The following PPP2R2B variants were observed in gnomAD, a reference collection of about 807,000 sequenced individuals.
PPP2R2B encodes protein phosphatase 2 regulatory subunit Bbeta.
PPP2R2B carries 5 observed loss-of-function variants against 46.0 expected under a neutral mutation model. The ratio of observed to expected loss-of-function variants is 0.11; its 90% CI spans 0.06 to 0.23. The LOEUF (loss-of-function observed/expected upper bound fraction) is 0.23, where lower values mean the gene tolerates loss of function less well. PPP2R2B is among the 10% of genes least tolerant of loss of function. The probability of loss-of-function intolerance (pLI) is 1.00; values close to 1 mark genes in which losing one functional copy is unlikely to be tolerated. For synonymous variants in PPP2R2B, 215 were observed against 206.7 expected, an observed-to-expected ratio of 1.04 and a Z score of -0.34; for missense variants, 367 against 575.0, an observed-to-expected ratio of 0.64 and a Z score of 3.70.
intron 1 of PPP2R2B, among the ~76,000 whole-genome samples, chr5:147,015,363 T>C (rs1357748052): frequency 6.6e-6 from 1 of 151,676 alleles, no homozygotes; most frequent in Non-Finnish European, 1.5e-5. Flanking sequence ...CTACTGACAT[T>C]TGAATTTTCT....
At position 146,812,791 on chromosome 5, in the gene PPP2R2B, G is replaced by GTATATATATATATATATA. The variant is rs1239921320; in HGVS notation, c.70+65210_70+65211insTATATATATATATATATA. On this transcript the variant is annotated intron_variant, in intron 2 of 9. Transcript: ENST00000394411. ...TTAATGTGTGTGTGTGTGTATATGT[G>GTATATATATATATATATA]TGTATATATATATATATATATATAT... Among the ~76,000 whole-genome samples the GTATATATATATATATATA allele has an allele frequency of 1.0e-3, 10 of 9,946 alleles. 1 individual carries two copies. The highest frequency in any genetic ancestry group is 1.4e-3 in the Non-Finnish European group (8 of 5,532). 6.5% of individuals were successfully genotyped at this position (9,946 alleles called of 152,430 possible).
intron 2 of PPP2R2B, chr5:146,856,452 A>T (rs533829908): frequency 5.8e-5 from 81 of 1,407,538 alleles, no homozygotes; most frequent in Admixed American, 1.3e-4. Context: ...ACACTTCTAT[A>T]CTGCTACTTT....
chr5:146,690,526 A>G (rs1453113018), intron 5 of PPP2R2B, among the ~76,000 whole-genome samples: 1 of 152,210 alleles, frequency 6.6e-6, no homozygotes, highest in Non-Finnish European at 1.5e-5. Context: ...ACAGGAAGGA[A>G]GCCACTCAGA....
chr5:146,838,613 T>C (rs1582234057), intron 2 of PPP2R2B, among the ~76,000 whole-genome samples: 1 of 145,604 alleles, frequency 6.9e-6, no homozygotes, highest in Admixed American at 6.9e-5. Flanking sequence ...GAGAGAAGAA[T>C]GGGACAGAGT....
At chr5:146,634,754 C>G (rs1774690275) in intron 7 of PPP2R2B, among the ~76,000 whole-genome samples, 1 of 144,138 alleles carries the variant, frequency 6.9e-6, no homozygotes, top group Non-Finnish European at 1.5e-5. Context: ...TATGATAAAT[C>G]TCTTAACTTA....
chr5:146,841,397 A>G (rs1759631924), intron 2 of PPP2R2B, among the ~76,000 whole-genome samples: 1 of 152,192 alleles, frequency 6.6e-6, no homozygotes. Context: ...TACACACAAA[A>G]GAAAGCAAAG....
At chr5:146,880,420 C>T (rs528157628), upstream of PPP2R2B, among the ~76,000 whole-genome samples, 13 of 152,198 alleles carry the variant, frequency 8.5e-5, no homozygotes, top group African/African-American at 2.2e-4. Context: ...TATCTATCAC[C>T]GAGGTTCCAA....
chr5:146,636,054 G>A (rs1222575994), intron 7 of PPP2R2B, among the ~76,000 whole-genome samples: 1 of 152,034 alleles, frequency 6.6e-6, no homozygotes. Context: ...CTTGATCTAG[G>A]TTCCAAATTA....
chr5:146,912,593 A>C (rs1165432221), intron 1 of PPP2R2B, among the ~76,000 whole-genome samples: 2 of 150,340 alleles, frequency 1.3e-5, no homozygotes, highest in Non-Finnish European at 3.0e-5. Flanking sequence ...GGCTCACCAC[A>C]ACCTGGGTTC....
intron 1 of PPP2R2B, among the ~76,000 whole-genome samples, chr5:147,050,007 C>T (rs1038685917): frequency 2.0e-5 from 3 of 152,032 alleles, no homozygotes; most frequent in Non-Finnish European, 4.4e-5. Context: ...GACTGCAAAA[C>T]GTGATCCTGT....
chr5:146,701,426 T>C (rs1164332352), intron 2 of PPP2R2B, among the ~76,000 whole-genome samples: 2 of 152,342 alleles, frequency 1.3e-5, no homozygotes, highest in South Asian at 2.1e-4. Flanking sequence ...AACTTCATGA[T>C]GGCTGAAGGA....
In PPP2R2B at chr5:146,623,492, A is replaced by G. The variant is rs542549495; in HGVS notation, c.790+14759T>C. 4.6e-5 allele frequency among the ~76,000 whole-genome samples: 7 copies of G among 152,362 alleles called. No homozygotes were observed. The South Asian group carries it at 1.4e-3, about 32-fold the overall frequency. On this transcript the variant is annotated intron_variant, in intron 7 of 9. Coordinates refer to ENST00000394411, the MANE Select transcript of PPP2R2B (RefSeq NM_181675.4). ...TTAGCACAATACTTTGTTAACACTT[A>G]TTGACCAATTCATTGCTTTGTTTGA...
At chr5:146,774,012 C>T (rs904491092) in intron 2 of PPP2R2B, among the ~76,000 whole-genome samples, 3 of 152,122 alleles carry the variant, frequency 2.0e-5, no homozygotes, top group Non-Finnish European at 4.4e-5. Flanking sequence ...TCTTAGTATC[C>T]ATAAGCAAAA....
chr5:147,033,710 T>C (rs1241165521), intron 1 of PPP2R2B, among the ~76,000 whole-genome samples: 3 of 152,144 alleles, frequency 2.0e-5, no homozygotes, highest in African/African-American at 4.8e-5. Flanking sequence ...ATTTCCCTCA[T>C]TGACACCATA....
rs1442747334 is a variant in PPP2R2B at position 146,638,364 on chromosome 5, G to A, written c.677C>T (p.Thr226Ile). 1 of 1,613,178 alleles carries A rather than the reference G, an allele frequency of 6.2e-7. No individual in the cohort carries two copies. The highest frequency in any genetic ancestry group is 1.7e-5 in the Admixed American group (1 of 60,012). ...ATGATGGGGGTGGAACTCGGCTGCTGTGATCACCTCCGTGAGCTCCTCCAT... is the reference window on the plus strand; with the variant it reads ...ATGATGGGGGTGGAACTCGGCTGCTATGATCACCTCCGTGAGCTCCTCCAT... ...ANMEELTEVI[T>I]AAEFHPHHCN... is the part of the protein sequence containing the mutation. Residue 226 changes from threonine to isoleucine, a missense_variant, in exon 7 of 10, where the codon ACA becomes ATA. This residue lies in a region of PPP2R2B where 361 missense variants were observed against 545.5 expected (regional missense o/e 0.66). Coordinates refer to ENST00000394411, the MANE Select transcript of PPP2R2B (RefSeq NM_181675.4).
intron 7 of PPP2R2B, among the ~76,000 whole-genome samples, chr5:146,619,220 A>G (rs1275758184): frequency 2.0e-5 from 3 of 151,246 alleles, no homozygotes; most frequent in Non-Finnish European, 4.4e-5. Context: ...TAGAGTGTCC[A>G]CACCCTATAA....
intron 2 of PPP2R2B, among the ~76,000 whole-genome samples, chr5:146,792,719 C>T (rs1756279633): frequency 1.3e-5 from 2 of 152,006 alleles, no homozygotes; most frequent in Admixed American, 1.3e-4. Context: ...GAAGAGCAGC[C>T]CAGGTAGAAG....
At chr5:146,941,705 T>C (rs1188896896) in intron 1 of PPP2R2B, among the ~76,000 whole-genome samples, 8 of 152,354 alleles carry the variant, frequency 5.3e-5, no homozygotes, top group Admixed American at 5.2e-4. Context: ...AGTCCATGTG[T>C]GGCATAGCAG....
intron 2 of PPP2R2B, among the ~76,000 whole-genome samples, chr5:146,795,772 C>T (rs1390247871): frequency 6.6e-6 from 1 of 152,132 alleles, no homozygotes; most frequent in Non-Finnish European, 1.5e-5. Context: ...GGTTGTGCAA[C>T]TTAAATACAA....
Sources: allele counts gnomAD v4.1 joint callset (sites outside exome capture counted in the v4.1 genomes callset), GRCh38; gene constraint gnomAD v4.1.1; regional missense constraint gnomAD v4.1.1; transcripts MANE v1.5; gene names NCBI Gene and HGNC (gene_info 2026-07-23, HGNC 2026-07-21).